NLGN4X: variants seen among roughly 807,000 people sequenced by gnomAD.
NLGN4X encodes neuroligin-4, X-linked.
A neutral mutation model predicts 40.3 loss-of-function variants in NLGN4X; 3 were observed. The ratio of observed to expected loss-of-function variants is 0.07; its 90% confidence interval spans 0.03 to 0.19. NLGN4X has a LOEUF of 0.19. Ranked by LOEUF, NLGN4X falls within the 10% of genes least tolerant of loss-of-function variation. The pLI, the probability that NLGN4X is intolerant of heterozygous loss-of-function variation, is 1.00. For missense variants in NLGN4X, 382 were observed against 708.3 expected, an observed-to-expected ratio of 0.54 and a Z score of 5.23; for synonymous variants, 270 against 306.8, an observed-to-expected ratio of 0.88 and a Z score of 1.25.
At chrX:6,044,787 C>T (rs1183697395) in intron 2 of NLGN4X, among the ~76,000 whole-genome samples, 1 of 111,900 alleles carries the variant, frequency 8.9e-6, no homozygotes, top group Non-Finnish European at 1.9e-5. Flanking sequence ...ACTCTCTGTA[C>T]GTTCCCCTCT....
intron 2 of NLGN4X, among the ~76,000 whole-genome samples, chrX:6,116,217 C>T (rs1220117652): frequency 7.8e-5 from 7 of 89,881 alleles, no homozygotes; most frequent in Non-Finnish European, 1.5e-4. Context: ...GGCGTGAACC[C>T]GGGAGGCAGA....
chrX:5,983,191 G>A (rs529232133), intron 3 of NLGN4X, among the ~76,000 whole-genome samples: 1 of 109,236 alleles, frequency 9.2e-6, no homozygotes, highest in East Asian at 2.8e-4. Flanking sequence ...ACAATTCAGG[G>A]AAGAGCATGG....
intron 3 of NLGN4X, among the ~76,000 whole-genome samples, chrX:5,951,904 G>C (rs1211493787): frequency 8.9e-6 from 1 of 112,186 alleles, no homozygotes. Context: ...AGAGCAAGTA[G>C]TATGAAGCCT....
At chrX:5,916,927 G>A (rs1426519275) in intron 3 of NLGN4X, among the ~76,000 whole-genome samples, 1 of 112,170 alleles carries the variant, frequency 8.9e-6, no homozygotes, top group Non-Finnish European at 1.9e-5. Flanking sequence ...TAAAGTGAAT[G>A]TGTTGGAGAA....
intron 2 of NLGN4X, among the ~76,000 whole-genome samples, chrX:6,131,922 A>G (rs768741454): frequency 1.8e-5 from 2 of 111,687 alleles, no homozygotes; most frequent in African/African-American, 6.5e-5. Context: ...TACTGTTCAC[A>G]TTAGGGGCCA....
At chrX:6,046,224 C>T (rs1057209072) in intron 2 of NLGN4X, among the ~76,000 whole-genome samples, 11 of 111,396 alleles carry the variant, frequency 9.9e-5, no homozygotes, top group Non-Finnish European at 1.9e-5. Flanking sequence ...AGTATCGATA[C>T]CTCTTCAAAA....
chrX:6,099,787 A>C (rs1199861117), intron 2 of NLGN4X, among the ~76,000 whole-genome samples: 1 of 112,318 alleles, frequency 8.9e-6, no homozygotes, highest in African/African-American at 3.2e-5. Flanking sequence ...TGCTTGTTGC[A>C]AATTAAATTC....
intron 4 of NLGN4X, among the ~76,000 whole-genome samples, chrX:5,905,397 T>C (rs2032120788): frequency 8.9e-6 from 1 of 112,140 alleles, no homozygotes; most frequent in Non-Finnish European, 1.9e-5. Context: ...TTCCCTCCAT[T>C]CAAATGTCTG....
intron 2 of NLGN4X, among the ~76,000 whole-genome samples, chrX:6,046,611 A>G (rs1333917499): frequency 9.0e-6 from 1 of 111,489 alleles, no homozygotes; most frequent in Non-Finnish European, 1.9e-5. Context: ...ATTTATTAAT[A>G]AAGAAGGCAT....
chrX:5,929,145 T>TA (rs2033444459), intron 3 of NLGN4X, among the ~76,000 whole-genome samples: 3 of 111,886 alleles, frequency 2.7e-5, no homozygotes, highest in Non-Finnish European at 3.8e-5. Flanking sequence ...TTAAATAGAC[T>TA]TTGCTAAATA....
At chrX:6,004,378 T>TA (rs1305381725) in intron 3 of NLGN4X, among the ~76,000 whole-genome samples, 1 of 112,063 alleles carries the variant, frequency 8.9e-6, no homozygotes, top group East Asian at 2.8e-4. Flanking sequence ...ATTTAAAATA[T>TA]AAAAAACAAC....
chrX:5,925,881 C>CATATATATATATATACATACACACATAT (rs2033273251), intron 3 of NLGN4X, among the ~76,000 whole-genome samples: 1 of 19,518 alleles, frequency 5.1e-5, no homozygotes, highest in Non-Finnish European at 1.0e-4. Flanking sequence ...TACATACACA[C>CATATATATATATATACATACACACATAT]ATATATATAT....
intron 1 of NLGN4X, among the ~76,000 whole-genome samples, chrX:6,186,327 A>C (rs1159049116): frequency 8.9e-6 from 1 of 112,122 alleles, no homozygotes; most frequent in Non-Finnish European, 1.9e-5. Flanking sequence ...TATTTACAAA[A>C]ATTGGCCACC....
intron 2 of NLGN4X, among the ~76,000 whole-genome samples, chrX:6,127,379 C>T (rs1314402902): frequency 1.8e-5 from 2 of 112,315 alleles, no homozygotes; most frequent in Non-Finnish European, 3.8e-5. Flanking sequence ...TTTGGGAGGC[C>T]GAGGGTGGAT....
rs1435080488 is a variant in NLGN4X at position 5,892,503 on chromosome X, G to A, written c.*314C>T. The A allele has an allele frequency of 7.1e-6, 2 of 281,338 alleles. No individual in the cohort carries two copies. Among genetic ancestry groups the A allele is most frequent in the Non-Finnish European group, 1.3e-5 (2 of 157,776 alleles). 23.2% of individuals were successfully genotyped at this position (281,338 alleles called of 1,213,427 possible). ...TGACGTTGGAAACACCCGGGGCCTT[G>A]AAATGGTGATGTCCTATCACACTAA... On this transcript the variant is annotated 3_prime_UTR_variant, in exon 6 of 6. Coordinates refer to ENST00000381095, the MANE Select transcript of NLGN4X (RefSeq NM_181332.3).
chrX:5,902,165 G>A (rs2031907997), intron 5 of NLGN4X, among the ~76,000 whole-genome samples: 1 of 111,028 alleles, frequency 9.0e-6, no homozygotes, highest in African/African-American at 3.3e-5. Flanking sequence ...GGCTGAGGTG[G>A]GAAGATCACT....
chrX:5,961,447 A>T (rs138092086), intron 3 of NLGN4X, among the ~76,000 whole-genome samples: 1,484 of 112,334 alleles, frequency 0.013, 14 homozygotes, highest in Middle Eastern at 0.023. Flanking sequence ...ATTTGCCTTC[A>T]TCGACATGCT....
At chrX:6,101,028 C>T (rs1352903735) in intron 2 of NLGN4X, among the ~76,000 whole-genome samples, 3 of 110,008 alleles carry the variant, frequency 2.7e-5, no homozygotes, top group African/African-American at 6.6e-5. Context: ...ATCATGTCTC[C>T]CAAAGGAGTC....
intron 3 of NLGN4X, among the ~76,000 whole-genome samples, chrX:5,970,287 T>C (rs959187221): frequency 2.7e-5 from 3 of 111,538 alleles, no homozygotes; most frequent in Admixed American, 9.5e-5. Flanking sequence ...TGTATACATA[T>C]GTAACAAACC....
Sources: gnomAD v4.1 joint callset for allele counts (sites outside exome capture counted in the v4.1 genomes callset) on GRCh38, gnomAD v4.1.1 for gene constraint, MANE v1.5 for transcripts, NCBI Gene and HGNC (gene_info 2026-07-23, HGNC 2026-07-21) for gene names.